The following SLFN11 variants were observed in gnomAD, a reference collection of about 807,000 sequenced individuals.
SLFN11 encodes schlafen family member 11.
SLFN11 carries 43 observed loss-of-function variants against 53.4 expected under a neutral mutation model. That is an observed-to-expected ratio of 0.80 (90% CI 0.63 to 1.04). The LOEUF (loss-of-function observed/expected upper bound fraction) is 1.04. Ranked by LOEUF, SLFN11 falls within the 50% of genes least tolerant of loss-of-function variation. The probability of loss-of-function intolerance (pLI) is 0.00; values close to 1 mark genes in which losing one functional copy is unlikely to be tolerated. For missense variants in SLFN11, 990 were observed against 1,079.1 expected (o/e 0.92, Z 1.16); for synonymous variants, 389 against 394.7 (o/e 0.99, Z 0.17).
chr17:35,364,438 A>G (rs1364654562), intron 3 of SLFN11, among the ~76,000 whole-genome samples: 3 of 152,158 alleles, frequency 2.0e-5, no homozygotes, highest in Non-Finnish European at 4.4e-5. Flanking sequence ...GGGGTGTGAC[A>G]GAGCCAAGGT....
rs143643982 is a variant in SLFN11 at position 35,353,108 on chromosome 17, T to C, written c.1954A>G (p.Lys652Glu). The C allele has an allele frequency of 4.9e-4, 785 of 1,614,128 alleles. No homozygotes were observed. The highest frequency in any genetic ancestry group is 6.0e-4 in the Non-Finnish European group (712 of 1,179,978). ...TCAAAGTTTTCTCTTAGGAAAGTTTTCCGGGTCTCTGCTCGGCAGATATTT... is the reference window on the plus strand; with the variant it reads ...TCAAAGTTTTCTCTTAGGAAAGTTTCCCGGGTCTCTGCTCGGCAGATATTT... Reference protein sequence around the residue: ...DRNICRAETRKTFLRENFEHI... With the variant: ...DRNICRAETRETFLRENFEHI... The change falls in exon 7 of 7, where the codon AAA (lysine) becomes GAA (glutamate). Residue 652 changes from lysine (K) to glutamate (E), a missense_variant. This residue lies in a region of SLFN11 where 313 missense variants were observed against 320.9 expected (regional missense o/e 0.98). Transcript: ENST00000685675.
At position 35,363,160 on chromosome 17, in the gene SLFN11, T is replaced by C. The variant is rs377090905; in HGVS notation, c.648A>G (p.Lys216=). The change falls in exon 4 of 7, where the codon AAA becomes AAG. Residue 216 remains lysine, a synonymous_variant. Transcript: ENST00000685675. ...PFPESQLVEF[K]QFSTKHFQEY... ...CTTGGAAGTGTTTTGTAGAGAACTG[T>C]TTAAACTCTACTAACTGAGACTCAG... is the stretch of plus-strand genomic sequence containing the variant. 3 of 1,613,916 alleles carry C rather than the reference T, an allele frequency of 1.9e-6. No individual in the cohort carries two copies. Among genetic ancestry groups the C allele is most frequent in the Non-Finnish European group, 2.5e-6 (3 of 1,180,000 alleles).
At chr17:35,368,638 C>T (rs1346585768) in intron 1 of SLFN11, among the ~76,000 whole-genome samples, 4 of 152,250 alleles carry the variant, frequency 2.6e-5, no homozygotes, top group Non-Finnish European at 4.4e-5. Flanking sequence ...GGAGGGCACA[C>T]GACCTACTGA....
At position 35,350,362 on chromosome 17, in the gene SLFN11, G is replaced by A. The variant is rs1365636477; in HGVS notation, c.*1994C>T. 5.9e-5 allele frequency: 9 copies of A among 152,052 alleles called. No individual in the cohort carries two copies. The East Asian group carries it at 1.7e-3, about 29-fold the overall frequency. The allele number at this position is 152,052 out of a possible 1,614,324, so 9.4% of individuals were successfully genotyped here. ...ACTTTTTATTTAAAACAGAAATGCA[G>A]TAGTAAGCTAAACCTTTTGCCATTC... On this transcript the variant is annotated 3_prime_UTR_variant, in exon 7 of 7. Transcript: ENST00000685675.
chr17:35,362,961 A>C lies in SLFN11; in HGVS notation c.847T>G (p.Cys283Gly). 6.2e-7 allele frequency: 1 copy of C among 1,613,658 alleles called. No individual in the cohort carries two copies. Among genetic ancestry groups the C allele is most frequent in the Non-Finnish European group, 8.5e-7 (1 of 1,179,832 alleles). ...KIEQAIYKLP[C>G]VHFCQPQRPI... ...CGTTGGGGTTGGCAAAAATGAACAC[A>C]AGGTAGTTTGTATATGGCTTGTTCT... is the stretch of plus-strand genomic sequence containing the variant. Residue 283 changes from cysteine (C) to glycine (G), a missense_variant, in exon 4 of 7, where the codon TGT becomes GGT. By Grantham distance (159) the Cys-to-Gly change is radical (BLOSUM62 -3). Transcript: ENST00000685675.
In SLFN11 at chr17:35,363,506, C is replaced by T; in HGVS notation, c.302G>A (p.Arg101Lys). 1 of 1,613,992 alleles carries T rather than the reference C, an allele frequency of 6.2e-7. No individual in the cohort carries two copies. Among genetic ancestry groups the T allele is most frequent in the Non-Finnish European group, 8.5e-7 (1 of 1,179,978 alleles). ...QAFFETKQQGRCFYIFVKSWS... is the reference protein window; with the variant it reads ...QAFFETKQQGKCFYIFVKSWS... ...AGATTTAACAAAAATGTAAAAACAC[C>T]TTCCTTGTTGCTTGGTCTCAAAGAA... The change falls in exon 4 of 7, where the codon AGG (arginine) becomes AAG (lysine). Residue 101 changes from arginine to lysine, a missense_variant. Physicochemically the swap from Arg to Lys is conservative, Grantham distance 26 (BLOSUM62 2). Coordinates refer to ENST00000685675, the MANE Select transcript of SLFN11 (RefSeq NM_001376007.1).
intron 5 of SLFN11, among the ~76,000 whole-genome samples, chr17:35,357,048 C>T (rs1567819252): frequency 6.6e-6 from 1 of 151,564 alleles, no homozygotes; most frequent in East Asian, 1.9e-4. Flanking sequence ...TTACATGTCT[C>T]TTATTTTGAT....
Position 35,353,373 on chromosome 17 carries a change from A to G in SLFN11, c.1885T>C (p.Tyr629His). The G allele has an allele frequency of 3.1e-6, 5 of 1,597,084 alleles. No individual in the cohort carries two copies. The highest frequency in any genetic ancestry group is 4.3e-6 in the Non-Finnish European group (5 of 1,173,920). ...VFHCEAHRILYVCENQPLRNF... is the reference protein window; with the variant it reads ...VFHCEAHRILHVCENQPLRNF... The stretch of plus-strand genomic sequence containing the variant: ...CTCAGAGGCTGGTTTTCACAAACGT[A>G]GAGAATTCTGTGTGCCTCACAGTGA... Residue 629 changes from tyrosine (Y) to histidine (H), a missense_variant, in exon 6 of 7, where the codon TAC (tyrosine) becomes CAC (histidine). Around this residue, in one of 3 missense-constraint regions of SLFN11, gnomAD observed 156 missense variants for 241.9 expected, o/e 0.64. Coordinates refer to ENST00000685675, the MANE Select transcript of SLFN11 (RefSeq NM_001376007.1).
chr17:35,352,474 C>A lies in SLFN11; in HGVS notation c.2588G>T (p.Ser863Ile), dbSNP rs1164517180. 6.2e-7 allele frequency: 1 copy of A among 1,614,210 alleles called. No homozygotes were observed. The highest frequency in any genetic ancestry group is 1.7e-5 in the Admixed American group (1 of 60,030). The change falls in exon 7 of 7, where the codon AGC becomes ATC. Residue 863 changes from serine to isoleucine, a missense_variant. Transcript: ENST00000685675. ...SVRRFSGLER[S>I]IVFGIHPRTA... Reference sequence around the variant, plus strand: ...CCTTGGATGGATCCCAAACACTATGCTCCTTTCCAGGCCTGAGAATCGCCG... The same window carrying A: ...CCTTGGATGGATCCCAAACACTATGATCCTTTCCAGGCCTGAGAATCGCCG...
chr17:35,369,077 C>T (rs8066793), intron 1 of SLFN11, among the ~76,000 whole-genome samples: 54,540 of 151,826 alleles, frequency 0.36, 10,859 homozygotes, highest in Non-Finnish European at 0.43. Flanking sequence ...GTGGTGCATA[C>T]AGGCAGAGAC....
At chr17:35,361,934 G>A (rs534031090) in intron 4 of SLFN11, among the ~76,000 whole-genome samples, 1 of 151,906 alleles carries the variant, frequency 6.6e-6, no homozygotes, top group Non-Finnish European at 1.5e-5. Flanking sequence ...TAGTAGAGAC[G>A]GGGTTTCACC....
chr17:35,353,144 A>G lies in SLFN11; in HGVS notation c.1923-5T>C. On this transcript the variant is annotated splice_region_variant and splice_polypyrimidine_tract_variant and intron_variant, in intron 6 of 6. Transcript: ENST00000685675. ...GCTCGGCAGATATTTCTATCACTGTAAAAATTAAAAGAACACACTCAGGTT... is the reference window on the plus strand; with the variant it reads ...GCTCGGCAGATATTTCTATCACTGTGAAAATTAAAAGAACACACTCAGGTT... The G allele has an allele frequency of 6.2e-7, 1 of 1,608,332 alleles. No homozygotes were observed. The highest frequency in any genetic ancestry group is 8.5e-7 in the Non-Finnish European group (1 of 1,177,942).
At chr17:35,372,074 C>T (rs1376061745) in intron 1 of SLFN11, among the ~76,000 whole-genome samples, 3 of 152,112 alleles carry the variant, frequency 2.0e-5, no homozygotes, top group Non-Finnish European at 4.4e-5. Flanking sequence ...GCACTCTAAG[C>T]GTCCATCAGC....
intron 5 of SLFN11, 166 bp downstream of exon 5, chr17:35,360,077 G>A (rs1427520293): frequency 1.1e-5 from 7 of 639,874 alleles, no homozygotes; most frequent in Non-Finnish European, 1.8e-5. Flanking sequence ...GGTCAGTAAG[G>A]GTTCATTTCT....
At chr17:35,357,014 G>A (rs571998150) in intron 5 of SLFN11, among the ~76,000 whole-genome samples, 14 of 152,090 alleles carry the variant, frequency 9.2e-5, no homozygotes, top group African/African-American at 3.1e-4. Flanking sequence ...CAATCCAGTA[G>A]ACGGAAATAA....
intron 1 of SLFN11, among the ~76,000 whole-genome samples, chr17:35,368,297 A>AC (rs149198086): frequency 0.024 from 3,687 of 152,204 alleles, 73 homozygotes; most frequent in East Asian, 0.053. Context: ...TCCAGCAGTG[A>AC]CCATGTGGTG....
chr17:35,361,126 TTC>T (rs1359206652), intron 4 of SLFN11, among the ~76,000 whole-genome samples: 23 of 152,262 alleles, frequency 1.5e-4, no homozygotes, highest in Non-Finnish European at 2.9e-4. Flanking sequence ...AATTTTTATG[TTC>T]TCTCTGTGTT....
At chr17:35,366,364 C>T (rs1020659634) in intron 3 of SLFN11, among the ~76,000 whole-genome samples, 20 of 151,712 alleles carry the variant, frequency 1.3e-4, no homozygotes, top group Admixed American at 3.9e-4. Flanking sequence ...AACAAATAAC[C>T]GATATCACTA....
intron 3 of SLFN11, among the ~76,000 whole-genome samples, chr17:35,365,882 T>A (rs573384741): frequency 7.0e-6 from 1 of 143,210 alleles, no homozygotes; most frequent in Non-Finnish European, 1.5e-5. Flanking sequence ...GCATAGTGAA[T>A]AAAGATGCAC....
Sources: gnomAD v4.1 joint callset for allele counts (sites outside exome capture counted in the v4.1 genomes callset) on GRCh38, gnomAD v4.1.1 for gene constraint, gnomAD v4.1.1 regional missense constraint, MANE v1.5 for transcripts, NCBI Gene and HGNC (gene_info 2026-07-23, HGNC 2026-07-21) for gene names.